Variants in DLG2 observed in about 807,000 individuals in gnomAD.
DLG2 encodes the protein discs large MAGUK scaffold protein 2.
DLG2 carries 45 observed loss-of-function variants against 132.5 expected under a neutral mutation model. The observed-to-expected ratio is 0.34, with a 90% CI of 0.27 to 0.44. DLG2 has a LOEUF of 0.44. DLG2 is among the 20% of genes least tolerant of loss of function. The probability of loss-of-function intolerance (pLI) is 1.00; values close to 1 mark genes in which losing one functional copy is unlikely to be tolerated. For synonymous variants in DLG2, 424 were observed against 419.6 expected, an observed-to-expected ratio of 1.01 and a Z score of -0.13; for missense variants, 1,045 against 1,196.9, an observed-to-expected ratio of 0.87 and a Z score of 1.87.
intron 6 of DLG2, among the ~76,000 whole-genome samples, chr11:85,085,085 A>G (rs1336568975): frequency 3.3e-5 from 5 of 152,136 alleles, no homozygotes; most frequent in Non-Finnish European, 5.9e-5. Context: ...TTTTTTCACA[A>G]TCATGCTTAT....
chr11:84,817,138 C>T (rs1242402700), intron 6 of DLG2, among the ~76,000 whole-genome samples: 1 of 152,004 alleles, frequency 6.6e-6, no homozygotes, highest in Non-Finnish European at 1.5e-5. Flanking sequence ...GCACTCAGAG[C>T]AATCTTTTAA....
At chr11:83,974,888 C>G (rs2091967244) in intron 12 of DLG2, among the ~76,000 whole-genome samples, 1 of 152,016 alleles carries the variant, frequency 6.6e-6, no homozygotes, top group Admixed American at 6.6e-5. Context: ...TCACTTACTA[C>G]TTCCCTTTAA....
intron 9 of DLG2, among the ~76,000 whole-genome samples, chr11:84,147,015 A>G (rs2095110706): frequency 6.6e-6 from 1 of 152,052 alleles, no homozygotes; most frequent in South Asian, 2.1e-4. Flanking sequence ...TTTACTACAC[A>G]GTGGGAATGC....
intron 6 of DLG2, among the ~76,000 whole-genome samples, chr11:84,908,440 TACG>T: frequency 6.6e-6 from 1 of 152,188 alleles, no homozygotes; most frequent in African/African-American, 2.4e-5. Flanking sequence ...TATCAGACAG[TACG>T]ACTCAAGTGT....
chr11:83,661,230 G>A (rs970492994), intron 18 of DLG2, among the ~76,000 whole-genome samples: 6 of 151,952 alleles, frequency 3.9e-5, no homozygotes, highest in Admixed American at 3.3e-4. Flanking sequence ...AATGATCTTG[G>A]GTGAGTTATT....
chr11:84,832,861 G>A (rs1218751346), intron 6 of DLG2, among the ~76,000 whole-genome samples: 1 of 151,482 alleles, frequency 6.6e-6, no homozygotes, highest in African/African-American at 2.4e-5. Context: ...TAACACAAGT[G>A]ATTAAACTGC....
rs2047230673 is a variant in DLG2, at chr11:83,811,409, A to G, written c.1722+22205T>C. On this transcript the variant is annotated intron_variant, in intron 17 of 27. Coordinates refer to ENST00000376104, the MANE Select transcript of DLG2 (RefSeq NM_001142699.3). ...CACAAAATTGACAATATTCAACTTG[A>G]CCTACAGAAATGGCAACTTCATATG... is the stretch of plus-strand genomic sequence containing the variant. Among the ~76,000 whole-genome samples the G allele has an allele frequency of 2.0e-5, 3 of 152,076 alleles. No individual in the cohort carries two copies. The South Asian group carries it at 6.2e-4, about 32-fold the overall frequency.
chr11:85,360,653 C>T (rs1411749922), intron 3 of DLG2, among the ~76,000 whole-genome samples: 3 of 152,144 alleles, frequency 2.0e-5, no homozygotes, highest in East Asian at 3.9e-4. Flanking sequence ...ACAGGAGGCT[C>T]CTTCCAAATT....
At chr11:85,492,971 G>A (rs919059595) in intron 3 of DLG2, among the ~76,000 whole-genome samples, 1 of 151,904 alleles carries the variant, frequency 6.6e-6, no homozygotes. Flanking sequence ...AGTGACTTTT[G>A]AAGGAGTTAG....
intron 11 of DLG2, among the ~76,000 whole-genome samples, chr11:83,997,269 C>A (rs1032951301): frequency 3.3e-5 from 5 of 152,150 alleles, no homozygotes; most frequent in African/African-American, 9.7e-5. Context: ...CCATCATGGG[C>A]ACTTTTAAGC....
At chr11:84,473,528 T>C (rs2099113967) in intron 7 of DLG2, among the ~76,000 whole-genome samples, 2 of 151,948 alleles carry the variant, frequency 1.3e-5, no homozygotes, top group African/African-American at 4.8e-5. Context: ...GGGTATTGCA[T>C]GGAAGAATGC....
At chr11:84,518,075 A>G (rs555201490) in intron 7 of DLG2, among the ~76,000 whole-genome samples, 1 of 89,814 alleles carries the variant, frequency 1.1e-5, no homozygotes, top group Non-Finnish European at 2.5e-5. Flanking sequence ...TTCAAGAGAC[A>G]TCATCACTCA....
At chr11:85,421,655 T>C (rs571476079) in intron 3 of DLG2, among the ~76,000 whole-genome samples, 1 of 152,240 alleles carries the variant, frequency 6.6e-6, no homozygotes, top group East Asian at 1.9e-4. Context: ...TTAGGTCATT[T>C]ACATTCAATG....
intron 8 of DLG2, among the ~76,000 whole-genome samples, chr11:84,243,847 C>A (rs1327493344): frequency 6.6e-6 from 1 of 152,132 alleles, no homozygotes; most frequent in Non-Finnish European, 1.5e-5. Flanking sequence ...CCCACCTTAC[C>A]CCCAGTCTCA....
intron 3 of DLG2, chr11:85,452,617 G>C (rs1347010005): frequency 1.5e-5 from 3 of 201,048 alleles, no homozygotes; most frequent in Non-Finnish European, 3.2e-5. Flanking sequence ...GGCCATCTTG[G>C]GAGGATGTGG....
chr11:84,297,809 C>T (rs930963206), intron 7 of DLG2, among the ~76,000 whole-genome samples: 4 of 152,104 alleles, frequency 2.6e-5, no homozygotes, highest in African/African-American at 9.7e-5. Flanking sequence ...GACACTTTCT[C>T]TTGTCCACAC....
chr11:85,207,803 T>C (rs543318782), intron 4 of DLG2, among the ~76,000 whole-genome samples: 1 of 151,998 alleles, frequency 6.6e-6, no homozygotes, highest in Non-Finnish European at 1.5e-5. Context: ...GCAGACTGTT[T>C]CACCCACTCA....
At chr11:83,489,272 T>C (rs2093702729) in intron 21 of DLG2, among the ~76,000 whole-genome samples, 1 of 151,976 alleles carries the variant, frequency 6.6e-6, no homozygotes, top group Non-Finnish European at 1.5e-5. Flanking sequence ...AGAAACATGG[T>C]AATTCCTACT....
At chr11:84,252,054 T>C (rs1015851157) in intron 7 of DLG2, among the ~76,000 whole-genome samples, 6 of 151,780 alleles carry the variant, frequency 4.0e-5, no homozygotes, top group Non-Finnish European at 7.4e-5. Context: ...CTTTTGAGAG[T>C]ATGCTATATT....
Sources: gnomAD v4.1 joint callset for allele counts (sites outside exome capture counted in the v4.1 genomes callset) on GRCh38, gnomAD v4.1.1 for gene constraint, MANE v1.5 for transcripts, NCBI Gene and HGNC (gene_info 2026-07-23, HGNC 2026-07-21) for gene names.